The following MMP16 variants were observed in gnomAD, a reference collection of about 807,000 sequenced individuals.
The protein encoded by MMP16 is matrix metalloproteinase-16.
A neutral mutation model predicts 67.8 loss-of-function variants in MMP16; 12 were observed. The ratio of observed to expected loss-of-function variants is 0.18; its 90% CI spans 0.11 to 0.29. The LOEUF (loss-of-function observed/expected upper bound fraction) is 0.29, where lower values mean the gene tolerates loss of function less well. Among genes scored for constraint, MMP16 ranks in the 10% least tolerant of loss-of-function variants. MMP16 has a pLI of 1.00. For missense variants in MMP16, 475 were observed against 765.7 expected (o/e 0.62, Z 4.48); for synonymous variants, 249 against 255.9 (o/e 0.97, Z 0.26).
intron 4 of MMP16, among the ~76,000 whole-genome samples, chr8:88,154,791 G>A (rs56006601): frequency 0.023 from 3,299 of 145,912 alleles, 111 homozygotes; most frequent in African/African-American, 0.08. Context: ...TGGGTGCAGC[G>A]CACCAGCATG....
At chr8:88,106,271 C>T (rs1343114895) in intron 6 of MMP16, among the ~76,000 whole-genome samples, 1 of 151,032 alleles carries the variant, frequency 6.6e-6, no homozygotes, top group Non-Finnish European at 1.5e-5. Context: ...TGTTCCCCAA[C>T]TTCTCCCTCT....
At chr8:88,280,477 G>C (rs1810715760) in intron 1 of MMP16, among the ~76,000 whole-genome samples, 1 of 152,296 alleles carries the variant, frequency 6.6e-6, no homozygotes, top group African/African-American at 2.4e-5. Flanking sequence ...GTTTTTGAAA[G>C]GAATGATTCT....
chr8:88,099,053 T>C (rs750526474), intron 6 of MMP16, among the ~76,000 whole-genome samples: 4 of 151,774 alleles, frequency 2.6e-5, no homozygotes, highest in Non-Finnish European at 5.9e-5. Context: ...GTGATATATG[T>C]ATAAGGAATT....
intron 1 of MMP16, among the ~76,000 whole-genome samples, chr8:88,256,084 C>T (rs1375468062): frequency 2.0e-5 from 3 of 152,072 alleles, no homozygotes; most frequent in Non-Finnish European, 4.4e-5. Flanking sequence ...CTATTTTCAG[C>T]TTTTTTTCTA....
At chr8:88,111,550 A>C (rs1809337492) in intron 6 of MMP16, among the ~76,000 whole-genome samples, 1 of 151,846 alleles carries the variant, frequency 6.6e-6, no homozygotes, top group South Asian at 2.1e-4. Context: ...GTAAGATCAG[A>C]GAGGTATGGG....
At position 88,228,045 on chromosome 8, in the gene MMP16, G is replaced by A. The variant is rs544508038; in HGVS notation, c.133-30739C>T. Among the ~76,000 whole-genome samples, 12 of 152,018 alleles carry A rather than the reference G, an allele frequency of 7.9e-5. No homozygotes were observed. The South Asian group carries it at 2.1e-3, about 26-fold the overall frequency. On this transcript the variant is annotated intron_variant, in intron 1 of 9. Coordinates refer to ENST00000286614, the MANE Select transcript of MMP16 (RefSeq NM_005941.5). ...AATGAACATGAAAATATTCAAACAC[G>A]ACTAATCAAAGAAATGCAAATTAAA...
Position 88,209,022 on chromosome 8 carries a change from A to G in MMP16, c.133-11716T>C, listed in dbSNP as rs900385832. 3.9e-5 allele frequency among the ~76,000 whole-genome samples: 6 copies of G among 152,258 alleles called. No homozygotes were observed. In the East Asian group the frequency reaches 9.7e-4, roughly 25 times the overall value. ...AAGCCGTGCTGGAAAACAAACTGAT[A>G]TTAGACAATCTAGTAGAAGGCTTCC... On this transcript the variant is annotated intron_variant, in intron 1 of 9. Coordinates refer to ENST00000286614, the MANE Select transcript of MMP16 (RefSeq NM_005941.5).
intron 4 of MMP16, among the ~76,000 whole-genome samples, chr8:88,141,778 A>G (rs1808214874): frequency 6.6e-6 from 1 of 152,160 alleles, no homozygotes; most frequent in African/African-American, 2.4e-5. Flanking sequence ...AGGAGTATAA[A>G]CTTGCTCTGC....
At chr8:88,094,441 T>C (rs17720759) in intron 6 of MMP16, among the ~76,000 whole-genome samples, 31,701 of 151,388 alleles carry the variant, frequency 0.21, 3,465 homozygotes, top group Middle Eastern at 0.25. Flanking sequence ...CTAAATAAGA[T>C]GGGCTATTGC....
rs117981980 is a variant in MMP16, at chr8:88,166,470, G to T, written c.709+1199C>A. On this transcript the variant is annotated intron_variant, in intron 4 of 9. Transcript: ENST00000286614. ...TATTAAGTAACCACTCTCATATTAA[G>T]TAACTAAAAGTTATTGAGATTTTTG... Among the ~76,000 whole-genome samples the T allele has an allele frequency of 4.4e-4, 67 of 151,588 alleles. 1 individual carries two copies. In the East Asian group the frequency reaches 0.012, roughly 28 times the overall value.
chr8:88,259,632 G>A (rs993729598), intron 1 of MMP16, among the ~76,000 whole-genome samples: 2 of 151,940 alleles, frequency 1.3e-5, no homozygotes, highest in African/African-American at 2.4e-5. Flanking sequence ...AAGAGAAAGA[G>A]AAAGGGAAGA....
At chr8:88,201,232 A>G (rs1343694347) in intron 1 of MMP16, among the ~76,000 whole-genome samples, 1 of 151,856 alleles carries the variant, frequency 6.6e-6, no homozygotes, top group Non-Finnish European at 1.5e-5. Context: ...TACATTTTAG[A>G]AATTATAGAA....
intron 2 of MMP16, among the ~76,000 whole-genome samples, chr8:88,195,351 T>A (rs2139481): frequency 0.5 from 75,977 of 152,048 alleles, 20,768 homozygotes; most frequent in Non-Finnish European, 0.63. Context: ...ACTAGTCAAG[T>A]TAGACCTTCA....
intron 6 of MMP16, among the ~76,000 whole-genome samples, chr8:88,081,315 C>T (rs1005354351): frequency 6.6e-6 from 1 of 152,150 alleles, no homozygotes; most frequent in Non-Finnish European, 1.5e-5. Flanking sequence ...TGAACTGACT[C>T]ATTCTTTTAG....
chr8:88,052,889 G>C (rs1193758272), intron 8 of MMP16, among the ~76,000 whole-genome samples: 5 of 152,106 alleles, frequency 3.3e-5, no homozygotes, highest in Non-Finnish European at 7.4e-5. Context: ...GTCCCAACCT[G>C]TCCTTACCAC....
At chr8:88,083,408 T>C (rs914694228) in intron 6 of MMP16, among the ~76,000 whole-genome samples, 5 of 151,974 alleles carry the variant, frequency 3.3e-5, no homozygotes, top group Non-Finnish European at 7.4e-5. Context: ...CTGGAACAAT[T>C]GCGACAAAGC....
At chr8:88,147,279 T>C (rs756329823) in intron 4 of MMP16, among the ~76,000 whole-genome samples, 7 of 152,066 alleles carry the variant, frequency 4.6e-5, no homozygotes, top group Admixed American at 1.3e-4. Context: ...CTTAACATAG[T>C]AAAAAATTAA....
intron 1 of MMP16, among the ~76,000 whole-genome samples, chr8:88,288,297 C>G (rs1039708074): frequency 1.3e-5 from 2 of 152,192 alleles, no homozygotes; most frequent in Admixed American, 1.3e-4. Context: ...CTTCCAAATG[C>G]AGTTAAGCAG....
intron 6 of MMP16, among the ~76,000 whole-genome samples, chr8:88,088,392 CT>C (rs1322955289): frequency 2.6e-5 from 4 of 151,668 alleles, no homozygotes; most frequent in Non-Finnish European, 4.4e-5. Context: ...TAGGGAAAGA[CT>C]TTTTTTCTTT....
Sources: allele counts gnomAD v4.1 joint callset (sites outside exome capture counted in the v4.1 genomes callset), GRCh38; gene constraint gnomAD v4.1.1; transcripts MANE v1.5; gene names NCBI Gene and HGNC (gene_info 2026-07-23, HGNC 2026-07-21).